The following PDSS2 variants were observed in gnomAD, a reference collection of about 807,000 sequenced individuals.
PDSS2 encodes all trans-polyprenyl-diphosphate synthase PDSS2.
In PDSS2, 31 loss-of-function variants were observed where a neutral mutation model predicts 44.5. The observed-to-expected ratio is 0.70, with a 90% CI of 0.52 to 0.94. The LOEUF is 0.94. Ranked by LOEUF, PDSS2 falls within the 40% of genes least tolerant of loss-of-function variation. The pLI is 0.00. For missense variants in PDSS2, 452 were observed against 482.2 expected (o/e 0.94, Z 0.59); for synonymous variants, 157 against 180.3 (o/e 0.87, Z 1.03).
intron 7 of PDSS2, among the ~76,000 whole-genome samples, chr6:107,156,660 T>C (rs1770909056): frequency 6.6e-6 from 1 of 152,188 alleles, no homozygotes. Flanking sequence ...GAATGAGGGA[T>C]GTCACTTTGT....
chr6:107,213,647 C>CT (rs1416964753), intron 4 of PDSS2, among the ~76,000 whole-genome samples: 1 of 151,990 alleles, frequency 6.6e-6, no homozygotes, highest in Non-Finnish European at 1.5e-5. Context: ...ATCCCAGCTA[C>CT]TTGGGAGGCC....
At chr6:107,416,260 C>T (rs1780656227) in intron 1 of PDSS2, among the ~76,000 whole-genome samples, 1 of 151,860 alleles carries the variant, frequency 6.6e-6, no homozygotes, top group Non-Finnish European at 1.5e-5. Context: ...ACAGCAGGCA[C>T]GATGGGGACC....
At chr6:107,213,408 C>T (rs549014278) in intron 4 of PDSS2, among the ~76,000 whole-genome samples, 13 of 151,982 alleles carry the variant, frequency 8.6e-5, no homozygotes, top group African/African-American at 1.7e-4. Context: ...CCTTGGCCTC[C>T]CAAAGTGCTG....
chr6:107,212,398 G>A (rs1218929483), intron 4 of PDSS2, 116 bp from the exon 5 acceptor site: 5 of 754,070 alleles, frequency 6.6e-6, no homozygotes, highest in African/African-American at 1.8e-5. Flanking sequence ...CAGGCTATTG[G>A]AACAAGACAG....
At chr6:107,403,537 T>G (rs913347640) in intron 1 of PDSS2, among the ~76,000 whole-genome samples, 1 of 152,148 alleles carries the variant, frequency 6.6e-6, no homozygotes, top group Non-Finnish European at 1.5e-5. Context: ...CACATTTCCC[T>G]TCTTCTGCAG....
rs199594062 is a variant in PDSS2, at chr6:107,319,005, T to TAC, written c.431+15192_431+15193insGT. Reference sequence around the variant, plus strand: ...TATGTTAAAAAAGAAAATATATATATATACACACACACACACACACATACA... The same window carrying TAC: ...TATGTTAAAAAAGAAAATATATATATACATACACACACACACACACACATACA... On this transcript the variant is annotated intron_variant, in intron 2 of 7. Transcript: ENST00000369037. Among the ~76,000 whole-genome samples the TAC allele has an allele frequency of 0.02, 2,112 of 106,878 alleles. 101 individuals are homozygous for TAC. The East Asian group carries it at 0.27, about 14-fold the overall frequency. The allele number at this position is 106,878 out of a possible 152,430, so 70.1% of individuals were successfully genotyped here. A position where few individuals can be genotyped will look rare whatever the true frequency, so the allele number is the denominator to read the frequency against.
chr6:107,452,219 T>C (rs1781889920), intron 1 of PDSS2, among the ~76,000 whole-genome samples: 1 of 151,708 alleles, frequency 6.6e-6, no homozygotes, highest in African/African-American at 2.4e-5. Flanking sequence ...AATTGTATTG[T>C]TTGCTTTCTT....
intron 6 of PDSS2, among the ~76,000 whole-genome samples, chr6:107,195,561 A>AT (rs777004545): frequency 0.012 from 1,547 of 125,040 alleles, 24 homozygotes; most frequent in African/African-American, 0.025. Context: ...AGATGACTCC[A>AT]TTTTTTTTTT....
chr6:107,445,013 C>T (rs531228533), intron 1 of PDSS2, among the ~76,000 whole-genome samples: 72 of 152,016 alleles, frequency 4.7e-4, no homozygotes, highest in African/African-American at 1.6e-3. Flanking sequence ...ATAAATAAAG[C>T]CTTACTACTC....
At chr6:107,155,743 G>A (rs1246859182) in intron 7 of PDSS2, among the ~76,000 whole-genome samples, 1 of 149,564 alleles carries the variant, frequency 6.7e-6, no homozygotes, top group African/African-American at 2.5e-5. Flanking sequence ...CCACGCCCAG[G>A]TAACTTTTGT....
At chr6:107,307,094 T>A (rs1776883233) in intron 2 of PDSS2, among the ~76,000 whole-genome samples, 1 of 152,226 alleles carries the variant, frequency 6.6e-6, no homozygotes, top group Non-Finnish European at 1.5e-5. Context: ...ATAATATGGC[T>A]TATTGAAGTA....
chr6:107,347,602 T>A (rs1028326551), intron 1 of PDSS2, among the ~76,000 whole-genome samples: 1 of 152,194 alleles, frequency 6.6e-6, no homozygotes, highest in Non-Finnish European at 1.5e-5. Flanking sequence ...GAGCTTACGC[T>A]TTTCTTCGTT....
At chr6:107,443,372 A>G (rs1378744031) in intron 1 of PDSS2, among the ~76,000 whole-genome samples, 1 of 152,214 alleles carries the variant, frequency 6.6e-6, no homozygotes, top group Non-Finnish European at 1.5e-5. Context: ...TCTGGCCACA[A>G]CCTTTCCTTT....
At position 107,367,546 on chromosome 6, in the gene PDSS2, G is replaced by A. The variant is rs548796788; in HGVS notation, c.297-33214C>T. 6.6e-5 allele frequency among the ~76,000 whole-genome samples: 10 copies of A among 152,280 alleles called. No homozygotes were observed. The South Asian group carries it at 1.7e-3, about 25-fold the overall frequency. On this transcript the variant is annotated intron_variant, in intron 1 of 7. Transcript: ENST00000369037. Reference sequence around the variant, plus strand: ...CGCCTGTAATCTCAGCACTTTGGGAGGCTGAGGCAGGTGGATCACTTCAGG... The same window carrying A: ...CGCCTGTAATCTCAGCACTTTGGGAAGCTGAGGCAGGTGGATCACTTCAGG...
intron 2 of PDSS2, among the ~76,000 whole-genome samples, chr6:107,293,424 T>G (rs1000538029): frequency 3.3e-5 from 5 of 152,200 alleles, no homozygotes; most frequent in African/African-American, 1.2e-4. Context: ...TGTCAAAGTT[T>G]TCCAAAATAT....
chr6:107,438,105 T>G (rs1239024444), intron 1 of PDSS2, among the ~76,000 whole-genome samples: 1 of 152,188 alleles, frequency 6.6e-6, no homozygotes, highest in African/African-American at 2.4e-5. Flanking sequence ...ATATGGAATA[T>G]TAGGTCATCT....
At chr6:107,235,692 C>T (rs183460847) in intron 4 of PDSS2, among the ~76,000 whole-genome samples, 364 of 152,140 alleles carry the variant, frequency 2.4e-3, no homozygotes, top group Non-Finnish European at 4.3e-3. Context: ...TAGGGAAATA[C>T]AACCCATAAT....
chr6:107,442,603 C>T (rs1016781634), intron 1 of PDSS2, among the ~76,000 whole-genome samples: 17 of 152,280 alleles, frequency 1.1e-4, no homozygotes, highest in African/African-American at 3.8e-4. Flanking sequence ...GGACCTAACC[C>T]ATTCCTAACT....
chr6:107,366,522 T>C (rs1360961347), intron 1 of PDSS2, among the ~76,000 whole-genome samples: 1 of 151,538 alleles, frequency 6.6e-6, no homozygotes, highest in African/African-American at 2.4e-5. Flanking sequence ...TTACAGTGAA[T>C]ATCAATAAAA....
Sources: gnomAD v4.1 joint callset for allele counts (sites outside exome capture counted in the v4.1 genomes callset) on GRCh38, gnomAD v4.1.1 for gene constraint, MANE v1.5 for transcripts, NCBI Gene and HGNC (gene_info 2026-07-23, HGNC 2026-07-21) for gene names.